CSMD3: variants seen among roughly 807,000 people sequenced by gnomAD.
The protein encoded by CSMD3 is CUB and Sushi multiple domains 3, also known as CUB and sushi domain-containing protein 3.
A neutral mutation model predicts 435.2 loss-of-function variants in CSMD3; 177 were observed. The ratio of observed to expected loss-of-function variants is 0.41; its 90% CI spans 0.36 to 0.46. The LOEUF is 0.46. CSMD3 is among the 20% of genes least tolerant of loss of function. The probability of loss-of-function intolerance (pLI) is 0.34; values close to 1 mark genes in which losing one functional copy is unlikely to be tolerated. For missense variants in CSMD3, 4,265 were observed against 4,504.6 expected, an observed-to-expected ratio of 0.95 and a Z score of 1.52; for synonymous variants, 1,656 against 1,520.5, an observed-to-expected ratio of 1.09 and a Z score of -2.07.
At chr8:113,388,938 A>G (rs2094450318) in intron 1 of CSMD3, among the ~76,000 whole-genome samples, 1 of 151,614 alleles carries the variant, frequency 6.6e-6, no homozygotes, top group Admixed American at 6.6e-5. Context: ...GAGCGCTGGA[A>G]GTTTTTGAGT....
chr8:112,973,805 C>T (rs1026850158), intron 7 of CSMD3, among the ~76,000 whole-genome samples: 4 of 151,752 alleles, frequency 2.6e-5, no homozygotes, highest in African/African-American at 7.3e-5. Flanking sequence ...ACCAAAATCA[C>T]TGAACTAGTA....
At chr8:112,250,694 C>G (rs1815181204) in intron 63 of CSMD3, among the ~76,000 whole-genome samples, 1 of 151,424 alleles carries the variant, frequency 6.6e-6, no homozygotes, top group African/African-American at 2.4e-5. Context: ...AATTTTTTCA[C>G]CAATATTTAC....
intron 22 of CSMD3, among the ~76,000 whole-genome samples, chr8:112,631,120 C>A (rs2074503636): frequency 6.6e-6 from 1 of 152,026 alleles, no homozygotes; most frequent in African/African-American, 2.4e-5. Flanking sequence ...CCTAAAGGAT[C>A]AATGACTAAG....
intron 2 of CSMD3, among the ~76,000 whole-genome samples, chr8:113,294,355 T>C (rs2093705014): frequency 1.3e-5 from 2 of 152,074 alleles, no homozygotes; most frequent in Non-Finnish European, 2.9e-5. Context: ...CATTATCTCA[T>C]TATCTCCCAT....
chr8:113,021,871 T>C (rs990856097), intron 5 of CSMD3, among the ~76,000 whole-genome samples: 1 of 152,122 alleles, frequency 6.6e-6, no homozygotes, highest in African/African-American at 2.4e-5. Context: ...AACTAAGAAG[T>C]ATTCCTGACA....
intron 22 of CSMD3, among the ~76,000 whole-genome samples, chr8:112,623,703 C>T (rs1043849833): frequency 1.4e-5 from 2 of 141,020 alleles, no homozygotes; most frequent in Non-Finnish European, 3.0e-5. Flanking sequence ...CTACTCAACT[C>T]AGTGCTAATT....
intron 37 of CSMD3, among the ~76,000 whole-genome samples, chr8:112,380,666 C>T (rs1204764407): frequency 6.6e-6 from 1 of 152,078 alleles, no homozygotes; most frequent in Non-Finnish European, 1.5e-5. Context: ...CCTGAGATGG[C>T]TTTAGATTGC....
chr8:113,010,653 AC>A (rs2086224339), intron 6 of CSMD3, among the ~76,000 whole-genome samples: 2 of 151,892 alleles, frequency 1.3e-5, no homozygotes, highest in South Asian at 4.1e-4. Flanking sequence ...TGAGATCATA[AC>A]ATGAGGCTAT....
At chr8:112,455,276 T>C (rs942004182) in intron 32 of CSMD3, among the ~76,000 whole-genome samples, 1 of 151,920 alleles carries the variant, frequency 6.6e-6, no homozygotes, top group Non-Finnish European at 1.5e-5. Context: ...AAGGAAATCA[T>C]GTCCTTTGAA....
At chr8:112,325,132 T>C (rs539135091) in intron 45 of CSMD3, among the ~76,000 whole-genome samples, 202 of 152,192 alleles carry the variant, frequency 1.3e-3, no homozygotes, top group Non-Finnish European at 2.3e-3. Flanking sequence ...TCTTACTTCT[T>C]AAAAAAATGT....
At chr8:112,763,405 G>A (rs533808664) in intron 13 of CSMD3, among the ~76,000 whole-genome samples, 1 of 151,000 alleles carries the variant, frequency 6.6e-6, no homozygotes, top group Non-Finnish European at 1.5e-5. Context: ...TAAATGGATA[G>A]TAAATGCTTC....
intron 32 of CSMD3, among the ~76,000 whole-genome samples, chr8:112,419,702 A>G (rs34587945): frequency 0.25 from 37,780 of 152,072 alleles, 5,293 homozygotes; most frequent in African/African-American, 0.38. Context: ...TGCCTATTTG[A>G]CATATTTTAA....
chr8:113,073,362 GATAAAAAGAGTAGGTTTCCTT>G (rs1481685909), intron 5 of CSMD3, among the ~76,000 whole-genome samples: 2 of 151,524 alleles, frequency 1.3e-5, no homozygotes, highest in Non-Finnish European at 3.0e-5. Context: ...TAAATTCTTT[GATAAAAAGAGTAGGTTTCCTT>G]ATATCCTTGG....
intron 13 of CSMD3, among the ~76,000 whole-genome samples, chr8:112,690,707 A>G (rs1424298854): frequency 1.3e-5 from 2 of 151,966 alleles, no homozygotes; most frequent in East Asian, 3.9e-4. Flanking sequence ...ATTGAAAAAA[A>G]TATTTTAACA....
At chr8:112,336,871 C>A (rs532187322) in intron 43 of CSMD3, 42 bp from the exon 44 acceptor site, 5 of 1,502,142 alleles carry the variant, frequency 3.3e-6, no homozygotes, top group South Asian at 1.1e-5. Flanking sequence ...TTTAAAATAA[C>A]AATAAACTGA....
At position 112,244,478 on chromosome 8, in the gene CSMD3, G is replaced by T. The variant is rs2130111474; in HGVS notation, c.10318C>A (p.Pro3440Thr). The T allele has an allele frequency of 6.2e-7, 1 of 1,613,704 alleles. No individual in the cohort carries two copies. ...HGYTLIYTCQ[P>T]GFFLAGGTEH... The stretch of plus-strand genomic sequence containing the variant: ...GTTCCACCTGCTAAGAAGAAGCCAG[G>T]CTGACAGGTATAAATCAGTGTATAC... Residue 3440 changes from proline (P) to threonine (T), a missense_variant, in exon 65 of 71, where the codon CCT becomes ACT. This residue lies in a region of CSMD3 where 3,255 missense variants were observed against 3,380.2 expected (regional missense o/e 0.96). Coordinates refer to ENST00000297405, the MANE Select transcript of CSMD3 (RefSeq NM_198123.2).
At chr8:113,031,276 A>T (rs2087097285) in intron 5 of CSMD3, among the ~76,000 whole-genome samples, 2 of 151,682 alleles carry the variant, frequency 1.3e-5, no homozygotes, top group Admixed American at 1.3e-4. Flanking sequence ...GATTCAACAA[A>T]CTGTAGCATA....
At chr8:112,452,179 C>T (rs1371722600) in intron 32 of CSMD3, among the ~76,000 whole-genome samples, 2 of 152,108 alleles carry the variant, frequency 1.3e-5, no homozygotes, top group Admixed American at 1.3e-4. Context: ...CAAAATTGAC[C>T]TTGAATATAA....
At chr8:112,925,209 T>G (rs1478130068) in intron 9 of CSMD3, among the ~76,000 whole-genome samples, 1 of 152,018 alleles carries the variant, frequency 6.6e-6, no homozygotes, top group Non-Finnish European at 1.5e-5. Flanking sequence ...CTGCCAGGAA[T>G]TCTCATTTTC....
Sources: allele counts gnomAD v4.1 joint callset (sites outside exome capture counted in the v4.1 genomes callset), GRCh38; gene constraint gnomAD v4.1.1; regional missense constraint gnomAD v4.1.1; transcripts MANE v1.5; gene names NCBI Gene and HGNC (gene_info 2026-07-23, HGNC 2026-07-21).